The following ABCA13 variants were observed in gnomAD, a reference collection of about 807,000 sequenced individuals.
ABCA13 encodes ATP binding cassette subfamily A member 13.
In ABCA13, 476 loss-of-function variants were observed where a neutral mutation model predicts 478.7. The ratio of observed to expected loss-of-function variants is 0.99; its 90% CI spans 0.92 to 1.07. ABCA13 has a LOEUF of 1.07. ABCA13 is among the 50% of genes least tolerant of loss of function. The probability of loss-of-function intolerance (pLI) is 0.00; values close to 1 mark genes in which losing one functional copy is unlikely to be tolerated. For synonymous variants in ABCA13, 2,252 were observed against 2,158.9 expected (o/e 1.04, Z -1.20); for missense variants, 6,060 against 5,910.6 (o/e 1.03, Z -0.83).
chr7:48,335,571 G>A (rs1806126403), intron 28 of ABCA13, 36 bp downstream of exon 28: 2 of 1,550,220 alleles, frequency 1.3e-6, no homozygotes, highest in East Asian at 2.2e-5. Flanking sequence ...GGGATGGGGA[G>A]CTACTGCTAG....
intron 36 of ABCA13, among the ~76,000 whole-genome samples, chr7:48,388,791 T>G (rs1003515910): frequency 7.9e-5 from 12 of 152,132 alleles, no homozygotes; most frequent in Non-Finnish European, 1.5e-4. Context: ...ATGTGTGTGT[T>G]TTTATTTTTT....
At chr7:48,544,702 A>G (rs905619084) in intron 55 of ABCA13, among the ~76,000 whole-genome samples, 2 of 151,786 alleles carry the variant, frequency 1.3e-5, no homozygotes, top group Non-Finnish European at 2.9e-5. Flanking sequence ...GTAAATGCAA[A>G]TAAGTGTTTC....
chr7:48,341,625 T>C (rs1807179451), intron 29 of ABCA13, among the ~76,000 whole-genome samples: 1 of 151,750 alleles, frequency 6.6e-6, no homozygotes, highest in Non-Finnish European at 1.5e-5. Flanking sequence ...TGTCAGAGGG[T>C]TATCAATTTT....
At chr7:48,537,530 C>T (rs116018629) in intron 55 of ABCA13, among the ~76,000 whole-genome samples, 1,552 of 152,176 alleles carry the variant, frequency 0.01, 32 homozygotes, top group African/African-American at 0.035. Flanking sequence ...TTATCCCTGA[C>T]GCAGGTAGCC....
At chr7:48,637,400 A>C (rs1018878216) in intron 59 of ABCA13, among the ~76,000 whole-genome samples, 9 of 148,020 alleles carry the variant, frequency 6.1e-5, no homozygotes, top group African/African-American at 2.3e-4. Context: ...AAAAAAAAAA[A>C]AAAAAACAGA....
At chr7:48,198,409 A>G (rs778146893) in intron 3 of ABCA13, 49 bp downstream of exon 3, 3 of 1,605,444 alleles carry the variant, frequency 1.9e-6, no homozygotes, top group East Asian at 2.2e-5. Flanking sequence ...AAGCTGATAC[A>G]TAGAACAGGC....
chr7:48,389,004 A>G, intron 36 of ABCA13, 36 bp from the exon 37 acceptor site: 1 of 1,593,174 alleles, frequency 6.3e-7, no homozygotes. Context: ...AGGGCTTTTG[A>G]AGTCTTTTCA....
At chr7:48,411,057 C>CTTTCTTTCTTTCTT (rs1177199517) in intron 40 of ABCA13, among the ~76,000 whole-genome samples, 1 of 112,222 alleles carries the variant, frequency 8.9e-6, no homozygotes, top group Admixed American at 1.0e-4. Context: ...CTTTTTCTTT[C>CTTTCTTTCTTTCTT]TTTCTTTCTT....
rs1004592804 is a variant in ABCA13, at chr7:48,338,262, G to A, written c.10114-103G>A. On this transcript the variant is annotated intron_variant, in intron 28 of 61. Transcript: ENST00000435803. ...TCTTTTAAGTGGATTCAGTTTATGT[G>A]CCTTGTTCCTTTGTAATGAAACTTT... 16 of 801,372 alleles carry A rather than the reference G, an allele frequency of 2.0e-5. No homozygotes were observed. In the South Asian group the frequency reaches 3.8e-4, roughly 19 times the overall value. The allele number at this position is 801,372 out of a possible 1,614,324, so 49.6% of individuals were successfully genotyped here. A position where few individuals can be genotyped will look rare whatever the true frequency, so the allele number is the denominator to read the frequency against.
chr7:48,320,502 T>C (rs1803287365), intron 27 of ABCA13, among the ~76,000 whole-genome samples: 1 of 152,210 alleles, frequency 6.6e-6, no homozygotes, highest in African/African-American at 2.4e-5. Context: ...AAATTGATGC[T>C]ATTTCCATGT....
chr7:48,361,696 C>T (rs1810864897), intron 31 of ABCA13, among the ~76,000 whole-genome samples: 1 of 151,490 alleles, frequency 6.6e-6, no homozygotes. Context: ...CTTTCAACTC[C>T]TACCTTATAT....
At chr7:48,411,043 CTTTCTTTTTCTTTCTTTCTTTCTTTCTT>C (rs1563208861) in intron 40 of ABCA13, among the ~76,000 whole-genome samples, 72 of 89,360 alleles carry the variant, frequency 8.1e-4, no homozygotes, top group African/African-American at 2.2e-3. Flanking sequence ...TTCTTTCTTT[CTTTCTTTTTCTTTCTTTCTTTCTTTCTT>C]TTTCTTTCTT....
chr7:48,317,210 T>G lies in ABCA13; in HGVS notation c.9913T>G (p.Leu3305Val), dbSNP rs1468329002. 1 of 1,613,544 alleles carries G rather than the reference T, an allele frequency of 6.2e-7. No homozygotes were observed. The highest frequency in any genetic ancestry group is 8.5e-7 in the Non-Finnish European group (1 of 1,179,790). The change falls in exon 27 of 62, where the codon TTG becomes GTG. Residue 3305 changes from leucine (L) to valine (V), a missense_variant. This residue lies in a region of ABCA13 where 4,423 missense variants were observed against 4,309.1 expected (regional missense o/e 1.03). Coordinates refer to ENST00000435803, the MANE Select transcript of ABCA13 (RefSeq NM_152701.5). ...QEILQLPNGA[L>V]VWTFLKPILH... ...AATTCTACAATTGCCAAATGGTGCTTTGGTGTGGACCTTCCTAAAACCCAT... is the reference window on the plus strand; with the variant it reads ...AATTCTACAATTGCCAAATGGTGCTGTGGTGTGGACCTTCCTAAAACCCAT...
chr7:48,614,638 A>G (rs1462914958), intron 58 of ABCA13, among the ~76,000 whole-genome samples: 1 of 150,622 alleles, frequency 6.6e-6, no homozygotes, highest in African/African-American at 2.4e-5. Context: ...ACCAACCCAA[A>G]TGTCCAACAA....
intron 58 of ABCA13, among the ~76,000 whole-genome samples, chr7:48,602,495 G>T (rs1309328248): frequency 2.0e-5 from 3 of 152,094 alleles, no homozygotes; most frequent in Admixed American, 2.0e-4. Flanking sequence ...TTTCCCCATT[G>T]CTTGTTTTTG....
At position 48,587,291 on chromosome 7, in the gene ABCA13, G is replaced by A. The variant is rs1243104035; in HGVS notation, c.14640+3G>A. 1.9e-6 allele frequency: 3 copies of A among 1,600,194 alleles called. No homozygotes were observed. Among genetic ancestry groups the A allele is most frequent in the Non-Finnish European group, 2.6e-6 (3 of 1,172,622 alleles). ...GGAAACCTGACATTCTTTTATTGGTGAGTAGAAGAATGTCAATATCTTGGA... is the reference window on the plus strand; with the variant it reads ...GGAAACCTGACATTCTTTTATTGGTAAGTAGAAGAATGTCAATATCTTGGA... On this transcript the variant is annotated splice_donor_region_variant and intron_variant, in intron 57 of 61. Coordinates refer to ENST00000435803, the MANE Select transcript of ABCA13 (RefSeq NM_152701.5).
At chr7:48,592,456 A>G (rs1789856737) in intron 57 of ABCA13, among the ~76,000 whole-genome samples, 1 of 151,814 alleles carries the variant, frequency 6.6e-6, no homozygotes. Flanking sequence ...TATGATTTCA[A>G]TTTTTTTAAA....
chr7:48,261,384 A>C (rs1451444475), intron 15 of ABCA13, among the ~76,000 whole-genome samples: 1 of 151,866 alleles, frequency 6.6e-6, no homozygotes, highest in East Asian at 1.9e-4. Context: ...AGATTGTATG[A>C]AGACTTAAGT....
intron 50 of ABCA13, among the ~76,000 whole-genome samples, chr7:48,508,553 C>T (rs1369503752): frequency 6.6e-6 from 1 of 152,080 alleles, no homozygotes. Context: ...GATGCTTTGT[C>T]TAGGTGTTCC....
Sources: allele counts gnomAD v4.1 joint callset (sites outside exome capture counted in the v4.1 genomes callset), GRCh38; gene constraint gnomAD v4.1.1; regional missense constraint gnomAD v4.1.1; transcripts MANE v1.5; gene names NCBI Gene and HGNC (gene_info 2026-07-23, HGNC 2026-07-21).